ADAMTS2: variants seen among roughly 807,000 people sequenced by gnomAD.
ADAMTS2 encodes the protein A disintegrin and metalloproteinase with thrombospondin motifs 2.
In ADAMTS2, 50 loss-of-function variants were observed where a neutral mutation model predicts 123.0. The ratio of observed to expected loss-of-function variants is 0.41; its 90% CI spans 0.32 to 0.51. The LOEUF is 0.51. ADAMTS2 is among the 20% of genes least tolerant of loss of function. ADAMTS2 has a pLI of 0.35. For synonymous variants in ADAMTS2, 678 were observed against 695.4 expected (o/e 0.98, Z 0.39); for missense variants, 1,494 against 1,705.2 (o/e 0.88, Z 2.18).
intron 2 of ADAMTS2, among the ~76,000 whole-genome samples, chr5:179,324,393 C>CT (rs35845418): frequency 0.28 from 39,265 of 141,850 alleles, 6,746 homozygotes; most frequent in African/African-American, 0.48. Context: ...TTATTTTTCT[C>CT]TTTTTTTTTT....
At chr5:179,338,936 G>A (rs1161434774) in intron 2 of ADAMTS2, among the ~76,000 whole-genome samples, 3 of 152,116 alleles carry the variant, frequency 2.0e-5, no homozygotes, top group Non-Finnish European at 4.4e-5. Flanking sequence ...GGGGTCTGGA[G>A]GAGAGTGGGG....
chr5:179,338,868 G>A (rs560542039), intron 2 of ADAMTS2, among the ~76,000 whole-genome samples: 27 of 152,234 alleles, frequency 1.8e-4, no homozygotes, highest in Admixed American at 1.3e-3. Context: ...GAGGGAAGCC[G>A]GGCCCTGAGA....
intron 2 of ADAMTS2, among the ~76,000 whole-genome samples, chr5:179,343,548 G>A (rs775603639): frequency 1.3e-5 from 2 of 152,228 alleles, no homozygotes; most frequent in Non-Finnish European, 2.9e-5. Flanking sequence ...GGAGACCCGG[G>A]CGCTCCCCAT....
Position 179,225,799 on chromosome 5 carries a change from C to A in ADAMTS2, c.689-18084G>T, listed in dbSNP as rs181893751. On this transcript the variant is annotated intron_variant, in intron 3 of 21. Transcript: ENST00000251582. The surrounding 1 kb of genome is among the most constrained non-coding windows in gnomAD (Gnocchi z 4.5). ...GCTACTTCCACTCAATAAAACCTCG[C>A]ACTCATTCTCCAAGCCCACGTGTGA... 3.3e-5 allele frequency among the ~76,000 whole-genome samples: 5 copies of A among 152,306 alleles called. No homozygotes were observed. Among genetic ancestry groups the A allele is most frequent in the African/African-American group, 1.2e-4 (5 of 41,572 alleles).
rs1453108771 is a variant in ADAMTS2 at position 179,314,917 on chromosome 5, ACT to A, written c.534+28848_534+28849del. ...CAAGCCCAGGGCCTACCTAGAAGTA[ACT>A]CTCTTTCCTGACATTAAGCGACTCC... On this transcript the variant is annotated intron_variant, in intron 2 of 21. Transcript: ENST00000251582. This position sits in a 1 kb window ranked among gnomAD's most constrained non-coding sequence, Gnocchi z 4.5. Among the ~76,000 whole-genome samples the A allele has an allele frequency of 1.3e-5, 2 of 151,760 alleles. No individual in the cohort carries two copies. Among genetic ancestry groups the A allele is most frequent in the Non-Finnish European group, 2.9e-5 (2 of 67,922 alleles).
At chr5:179,243,245 C>T (rs1765708394) in intron 3 of ADAMTS2, among the ~76,000 whole-genome samples, 1 of 151,982 alleles carries the variant, frequency 6.6e-6, no homozygotes, top group Non-Finnish European at 1.5e-5. Flanking sequence ...TCATCCCTAC[C>T]CAAATTTAAT....
chr5:179,139,779 C>T (rs887245079), intron 11 of ADAMTS2, 111 bp downstream of exon 11: 5 of 1,525,464 alleles, frequency 3.3e-6, no homozygotes, highest in African/African-American at 1.4e-5. Context: ...CTGCACCTCT[C>T]CAGAACTGGT....
At chr5:179,221,851 A>G (rs1342260498) in intron 3 of ADAMTS2, among the ~76,000 whole-genome samples, 7 of 151,898 alleles carry the variant, frequency 4.6e-5, no homozygotes, top group African/African-American at 1.7e-4. Flanking sequence ...TGGGCCCCCA[A>G]ACCACATGTC....
intron 2 of ADAMTS2, among the ~76,000 whole-genome samples, chr5:179,340,826 A>G (rs1757750949): frequency 6.6e-6 from 1 of 152,194 alleles, no homozygotes; most frequent in Non-Finnish European, 1.5e-5. Flanking sequence ...AAGGCTTCTC[A>G]CTGGGTTTTT....
chr5:179,190,972 G>A (rs73328289), intron 4 of ADAMTS2, among the ~76,000 whole-genome samples: 2,239 of 152,374 alleles, frequency 0.015, 64 homozygotes, highest in African/African-American at 0.05. Context: ...AGCTCTCCCC[G>A]CTGGCTGCGT....
intron 19 of ADAMTS2, chr5:179,122,983 GTC>G (rs1762791109): frequency 1.5e-6 from 1 of 682,826 alleles, no homozygotes; most frequent in Non-Finnish European, 2.5e-6. Context: ...CCACATGCCT[GTC>G]TCTCTGAGCT....
At chr5:179,182,755 G>A (rs1489622277) in intron 4 of ADAMTS2, among the ~76,000 whole-genome samples, 1 of 152,166 alleles carries the variant, frequency 6.6e-6, no homozygotes, top group Non-Finnish European at 1.5e-5. Context: ...ATAGGCAAGG[G>A]ACAACTCATC....
intron 3 of ADAMTS2, among the ~76,000 whole-genome samples, chr5:179,227,055 A>T (rs1765307687): frequency 6.6e-6 from 1 of 152,214 alleles, no homozygotes; most frequent in Non-Finnish European, 1.5e-5. Context: ...AAAACACAGT[A>T]TCTACAGGAC....
chr5:179,143,553 G>C (rs1763207801), intron 10 of ADAMTS2, among the ~76,000 whole-genome samples: 1 of 152,160 alleles, frequency 6.6e-6, no homozygotes, highest in African/African-American at 2.4e-5. Flanking sequence ...TGCAATCAGT[G>C]AACTTGAACA....
At chr5:179,249,703 G>A (rs2113466335) in intron 3 of ADAMTS2, among the ~76,000 whole-genome samples, 2 of 152,258 alleles carry the variant, frequency 1.3e-5, no homozygotes, top group Non-Finnish European at 2.9e-5. Flanking sequence ...GACTCAAGGA[G>A]AAATGGAAAA....
intron 2 of ADAMTS2, among the ~76,000 whole-genome samples, chr5:179,320,015 G>A (rs1037938349): frequency 2.6e-5 from 4 of 152,212 alleles, no homozygotes; most frequent in East Asian, 1.9e-4. Context: ...GACGGCTCCT[G>A]GAGCAGCCGG....
At chr5:179,311,281 C>T (rs1756826772) in intron 2 of ADAMTS2, among the ~76,000 whole-genome samples, 2 of 152,188 alleles carry the variant, frequency 1.3e-5, no homozygotes, top group African/African-American at 2.4e-5. Context: ...GGAAGGGCCT[C>T]GTCCAGCTCT....
chr5:179,271,963 C>T (rs1052847633), intron 3 of ADAMTS2, among the ~76,000 whole-genome samples: 5 of 152,302 alleles, frequency 3.3e-5, no homozygotes, highest in African/African-American at 9.6e-5. Context: ...CAGGTGTGCC[C>T]GATCCTGGGC....
intron 2 of ADAMTS2, among the ~76,000 whole-genome samples, chr5:179,290,070 G>T (rs939129294): frequency 6.6e-5 from 10 of 152,218 alleles, no homozygotes; most frequent in African/African-American, 2.4e-4. Context: ...GTTAGAATGT[G>T]ACTGGTTTGT....
Sources: allele counts gnomAD v4.1 joint callset (sites outside exome capture counted in the v4.1 genomes callset), GRCh38; gene constraint gnomAD v4.1.1; non-coding constraint Gnocchi (gnomAD v3.1); transcripts MANE v1.5; gene names NCBI Gene and HGNC (gene_info 2026-07-23, HGNC 2026-07-21).